Variants in TAFA5 observed in about 807,000 individuals in gnomAD.
TAFA5 encodes the protein TAFA chemokine like family member 5, also known as chemokine-like protein TAFA-5.
A neutral mutation model predicts 15.3 loss-of-function variants in TAFA5; 6 were observed. That is an observed-to-expected ratio of 0.39 (90% confidence interval 0.21 to 0.77). The LOEUF is 0.77. Ranked by LOEUF, TAFA5 falls within the 30% of genes least tolerant of loss-of-function variation. TAFA5 has a pLI of 0.41. For synonymous variants in TAFA5, 103 were observed against 80.7 expected (o/e 1.28, Z -1.48); for missense variants, 161 against 193.1 (o/e 0.83, Z 0.98).
intron 3 of TAFA5, among the ~76,000 whole-genome samples, chr22:48,736,387 G>A (rs8137377): frequency 0.31 from 2,003 of 6,506 alleles, 552 homozygotes; most frequent in African/African-American, 0.52. Flanking sequence ...CCCAGGAGGA[G>A]TGAGAATCGC....
intron 1 of TAFA5, among the ~76,000 whole-genome samples, chr22:48,569,331 C>T (rs1297451076): frequency 7.2e-5 from 11 of 152,124 alleles, no homozygotes; most frequent in Non-Finnish European, 2.9e-5. Context: ...GGCCCGGCCC[C>T]GACATTTGAA....
chr22:48,620,918 T>G (rs796206426), intron 1 of TAFA5, among the ~76,000 whole-genome samples: 2 of 2,124 alleles, frequency 9.4e-4, no homozygotes. Flanking sequence ...CACCCACCTA[T>G]CCTATTCATC....
intron 2 of TAFA5, among the ~76,000 whole-genome samples, chr22:48,673,737 G>A (rs1174588744): frequency 6.6e-6 from 1 of 152,190 alleles, no homozygotes; most frequent in East Asian, 1.9e-4. Flanking sequence ...AGGGTGGAAG[G>A]TGAAGGTGCA....
chr22:48,688,100 G>A (rs1473239159), intron 2 of TAFA5, among the ~76,000 whole-genome samples: 1 of 140,432 alleles, frequency 7.1e-6, no homozygotes, highest in East Asian at 2.0e-4. Context: ...GTGTGTTTTG[G>A]GGTTTTTTTT....
At chr22:48,717,377 A>G (rs1929433228) in intron 3 of TAFA5, among the ~76,000 whole-genome samples, 1 of 152,120 alleles carries the variant, frequency 6.6e-6, no homozygotes, top group Non-Finnish European at 1.5e-5. Flanking sequence ...ACATCCCAGG[A>G]GGAGCCCTGC....
intron 1 of TAFA5, among the ~76,000 whole-genome samples, chr22:48,640,484 G>A (rs538768622): frequency 1.3e-5 from 2 of 152,198 alleles, no homozygotes; most frequent in South Asian, 4.1e-4. Flanking sequence ...TGCTTCTAAG[G>A]GGGGGCTTCC....
chr22:48,671,617 C>G (rs1927806837), intron 2 of TAFA5, among the ~76,000 whole-genome samples: 1 of 152,100 alleles, frequency 6.6e-6, no homozygotes, highest in African/African-American at 2.4e-5. Context: ...AGTCAGCGAG[C>G]CTGAGTTTAA....
At chr22:48,664,608 C>T (rs1331774007) in intron 2 of TAFA5, among the ~76,000 whole-genome samples, 9 of 152,124 alleles carry the variant, frequency 5.9e-5, no homozygotes, top group Non-Finnish European at 1.0e-4. Context: ...CCTCCTGGCC[C>T]GATCTCACCC....
intron 2 of TAFA5, among the ~76,000 whole-genome samples, chr22:48,705,995 G>T (rs1434634608): frequency 2.0e-5 from 3 of 152,246 alleles, no homozygotes; most frequent in African/African-American, 7.2e-5. Flanking sequence ...AGAGGAGGAA[G>T]CCAAGGGCTC....
intron 1 of TAFA5, among the ~76,000 whole-genome samples, chr22:48,563,699 G>T (rs1039167530): frequency 1.3e-5 from 2 of 152,226 alleles, no homozygotes; most frequent in African/African-American, 4.8e-5. Flanking sequence ...TGGTCACGGT[G>T]CCTGTTCTGC....
At chr22:48,701,415 C>T (rs1038467765) in intron 2 of TAFA5, among the ~76,000 whole-genome samples, 4 of 152,296 alleles carry the variant, frequency 2.6e-5, no homozygotes, top group Admixed American at 2.0e-4. Flanking sequence ...TGCACGGGTC[C>T]ACCCAGGTGC....
At chr22:48,536,109 C>T (rs1345188890) in intron 1 of TAFA5, among the ~76,000 whole-genome samples, 1 of 152,202 alleles carries the variant, frequency 6.6e-6, no homozygotes, top group African/African-American at 2.4e-5. Flanking sequence ...GGTTGGTTTT[C>T]GTCTCCTGAA....
chr22:48,642,446 C>T (rs546388965), intron 1 of TAFA5, among the ~76,000 whole-genome samples: 2 of 152,302 alleles, frequency 1.3e-5, no homozygotes, highest in Non-Finnish European at 1.5e-5. Context: ...TCTGAACCCC[C>T]CTTTCTGAGA....
chr22:48,559,487 C>A (rs1473887887), intron 1 of TAFA5, among the ~76,000 whole-genome samples: 1 of 152,128 alleles, frequency 6.6e-6, no homozygotes, highest in African/African-American at 2.4e-5. Context: ...CTCCTCTGAC[C>A]CTGGTGGTCC....
rs556337011 is a variant in TAFA5 at position 48,703,304 on chromosome 22, A to T, written c.263-4413A>T. ...AGGCAGGGCTGGAGCCACCTTCACC[A>T]GCCTAAGTCCCCCCGGACCCCGCCG... On this transcript the variant is annotated intron_variant, in intron 2 of 3. Coordinates refer to ENST00000402357, the MANE Select transcript of TAFA5 (RefSeq NM_001082967.3). Among the ~76,000 whole-genome samples, 15 of 152,264 alleles carry T rather than the reference A, an allele frequency of 9.9e-5. 1 individual carries two copies. Among genetic ancestry groups the T allele is most frequent in the Non-Finnish European group, 1.8e-4 (12 of 68,014 alleles).
At chr22:48,507,649 G>A (rs948535269) in intron 1 of TAFA5, among the ~76,000 whole-genome samples, 4 of 152,192 alleles carry the variant, frequency 2.6e-5, no homozygotes, top group Non-Finnish European at 1.5e-5. Context: ...TCAGAGCCAG[G>A]ATGTGCGCTT....
At chr22:48,575,256 C>A (rs1468052969) in intron 1 of TAFA5, among the ~76,000 whole-genome samples, 1 of 152,008 alleles carries the variant, frequency 6.6e-6, no homozygotes. Context: ...AGGTGGAGCC[C>A]GACCCGCAGT....
chr22:48,697,652 G>A (rs1490278047), intron 2 of TAFA5, among the ~76,000 whole-genome samples: 1 of 150,712 alleles, frequency 6.6e-6, no homozygotes, highest in African/African-American at 2.4e-5. Context: ...GGTGATGATG[G>A]TAATGGTGAT....
chr22:48,519,410 C>T (rs8142950), intron 1 of TAFA5, among the ~76,000 whole-genome samples: 7 of 152,232 alleles, frequency 4.6e-5, no homozygotes, highest in African/African-American at 1.4e-4. Flanking sequence ...AGAATCGGAG[C>T]GTCCATGAAA....
Sources: allele counts gnomAD v4.1 joint callset (sites outside exome capture counted in the v4.1 genomes callset), GRCh38; gene constraint gnomAD v4.1.1; transcripts MANE v1.5; gene names NCBI Gene and HGNC (gene_info 2026-07-23, HGNC 2026-07-21).